Variants in INTS9 observed in about 807,000 individuals in gnomAD.
INTS9 encodes protein related to CPSF subunits of 74 kDa.
In INTS9, 55 loss-of-function variants were observed where a neutral mutation model predicts 79.7. The observed-to-expected ratio is 0.69, with a 90% CI of 0.56 to 0.86. The LOEUF is 0.86. INTS9 is among the 40% of genes least tolerant of loss of function. INTS9 has a pLI of 0.00. For missense variants in INTS9, 721 were observed against 831.5 expected (o/e 0.87, Z 1.64); for synonymous variants, 319 against 325.2 (o/e 0.98, Z 0.20).
At chr8:28,826,372 T>C (rs988487414) in intron 6 of INTS9, among the ~76,000 whole-genome samples, 3 of 152,048 alleles carry the variant, frequency 2.0e-5, no homozygotes, top group East Asian at 3.9e-4. Context: ...AACTGCACCA[T>C]GTTTGGGTAG....
chr8:28,792,656 G>A (rs946474907), intron 10 of INTS9, among the ~76,000 whole-genome samples: 3 of 152,162 alleles, frequency 2.0e-5, no homozygotes, highest in African/African-American at 4.8e-5. Flanking sequence ...GCTCATGCCT[G>A]TAATCCCAGC....
At chr8:28,843,737 T>C (rs1044746136) in intron 4 of INTS9, among the ~76,000 whole-genome samples, 11 of 152,212 alleles carry the variant, frequency 7.2e-5, no homozygotes, top group African/African-American at 2.6e-4. Flanking sequence ...TTTTTCTTTT[T>C]TTTTTTTTAA....
At chr8:28,790,117 G>A (rs1378086691) in intron 10 of INTS9, among the ~76,000 whole-genome samples, 1 of 152,146 alleles carries the variant, frequency 6.6e-6, no homozygotes, top group East Asian at 1.9e-4. Flanking sequence ...CTGAGAACGG[G>A]AAGCACAGAG....
chr8:28,862,989 A>G (rs967351166), intron 1 of INTS9, among the ~76,000 whole-genome samples: 23 of 152,226 alleles, frequency 1.5e-4, no homozygotes, highest in African/African-American at 5.3e-4. Context: ...CTATCCTTGT[A>G]GCAGAGTTGC....
chr8:28,783,684 C>T (rs1040263344), intron 11 of INTS9: 1 of 152,236 alleles, frequency 6.6e-6, no homozygotes, highest in Non-Finnish European at 1.5e-5. Context: ...TGGAGATCTT[C>T]ATCAGCTGTC....
intron 1 of INTS9, among the ~76,000 whole-genome samples, chr8:28,888,862 GT>G (rs1433488288): frequency 6.6e-6 from 1 of 152,080 alleles, no homozygotes; most frequent in African/African-American, 2.4e-5. Flanking sequence ...GTGTTGTGTG[GT>G]TTGGCAAAGC....
intron 6 of INTS9, among the ~76,000 whole-genome samples, chr8:28,833,642 AC>A (rs1286798416): frequency 1.3e-5 from 2 of 148,968 alleles, no homozygotes; most frequent in African/African-American, 5.1e-5. Context: ...AAAAACAAAA[AC>A]AAAAACCAAA....
At chr8:28,781,171 A>G (rs2130896427) in intron 11 of INTS9, among the ~76,000 whole-genome samples, 177 bp from the exon 12 acceptor site, 1 of 152,258 alleles carries the variant, frequency 6.6e-6, no homozygotes, top group African/African-American at 2.4e-5. Flanking sequence ...CCCAGAATCT[A>G]TGAACTCCGA....
At chr8:28,883,691 T>G (rs956510530) in intron 1 of INTS9, among the ~76,000 whole-genome samples, 2 of 152,232 alleles carry the variant, frequency 1.3e-5, no homozygotes, top group African/African-American at 4.8e-5. Flanking sequence ...AATTGGACAG[T>G]AAACCCACTA....
chr8:28,779,890 G>C, intron 12 of INTS9, among the ~76,000 whole-genome samples: 1 of 152,012 alleles, frequency 6.6e-6, no homozygotes. Flanking sequence ...AAGGGAGCTG[G>C]TGACAGTGCT....
chr8:28,845,673 T>A (rs1177285829), intron 4 of INTS9, among the ~76,000 whole-genome samples: 3 of 152,160 alleles, frequency 2.0e-5, no homozygotes, highest in African/African-American at 7.2e-5. Context: ...AGATGGGGAA[T>A]CACCCTACCA....
At chr8:28,881,183 G>T in intron 1 of INTS9, among the ~76,000 whole-genome samples, 1 of 144,260 alleles carries the variant, frequency 6.9e-6, no homozygotes, top group African/African-American at 2.6e-5. Context: ...GGGCGCCTCT[G>T]CCCGGCCGCC....
In INTS9 at chr8:28,889,902, A is replaced by C; in HGVS notation, c.-20T>G. On this transcript the variant is annotated 5_prime_UTR_variant, in exon 1 of 17. The change creates a new upstream start codon in the 5' untranslated region. Coordinates refer to ENST00000521022, the MANE Select transcript of INTS9 (RefSeq NM_018250.4). The stretch of plus-strand genomic sequence containing the variant: ...TTTCATAATGGACTTTTGGTGGTTC[A>C]ATAGCAGTCACTGAACTCCTCAAAC... The C allele has an allele frequency of 2.5e-6, 4 of 1,611,756 alleles. No homozygotes were observed. Among genetic ancestry groups the C allele is most frequent in the Non-Finnish European group, 3.4e-6 (4 of 1,178,192 alleles).
At position 28,799,193 on chromosome 8, in the gene INTS9, G is replaced by C. The variant is rs139338544; in HGVS notation, c.745-2538C>G. ...CACCTGTAATCCCACCTACTCGGGA[G>C]GCTGAAGCAGGAGAATTGTTTGAAC... On this transcript the variant is annotated intron_variant, in intron 8 of 16. Coordinates refer to ENST00000521022, the MANE Select transcript of INTS9 (RefSeq NM_018250.4). 2.7e-3 allele frequency among the ~76,000 whole-genome samples: 409 copies of C among 152,302 alleles called. 4 individuals carry two copies. The highest frequency in any genetic ancestry group is 9.2e-3 in the African/African-American group (383 of 41,550).
chr8:28,779,435 A>G (rs1198698574), intron 12 of INTS9, among the ~76,000 whole-genome samples: 1 of 152,032 alleles, frequency 6.6e-6, no homozygotes, highest in Non-Finnish European at 1.5e-5. Context: ...GAACACCAAC[A>G]CCTTGTCTGA....
intron 6 of INTS9, among the ~76,000 whole-genome samples, chr8:28,816,768 C>G (rs1458068848): frequency 6.8e-6 from 1 of 147,540 alleles, no homozygotes; most frequent in Non-Finnish European, 1.5e-5. Context: ...ACAGTCCCAC[C>G]AACAGTGTAA....
At chr8:28,869,679 C>T (rs1234073617) in intron 1 of INTS9, among the ~76,000 whole-genome samples, 1 of 152,146 alleles carries the variant, frequency 6.6e-6, no homozygotes. Context: ...CACTTTCTTC[C>T]ACTTTGTGTC....
At chr8:28,776,765 C>T (rs1802911933) in intron 13 of INTS9, among the ~76,000 whole-genome samples, 1 of 152,194 alleles carries the variant, frequency 6.6e-6, no homozygotes, top group Non-Finnish European at 1.5e-5. Flanking sequence ...CTGATGGCTT[C>T]TCCCAGGTTT....
At chr8:28,801,788 T>C (rs1048116131) in intron 8 of INTS9, among the ~76,000 whole-genome samples, 9 of 152,098 alleles carry the variant, frequency 5.9e-5, no homozygotes, top group African/African-American at 1.9e-4. Context: ...AATTTTTGTA[T>C]TTTTTGTAGA....
Sources: allele counts gnomAD v4.1 joint callset (sites outside exome capture counted in the v4.1 genomes callset), GRCh38; gene constraint gnomAD v4.1.1; transcripts MANE v1.5; gene names NCBI Gene and HGNC (gene_info 2026-07-23, HGNC 2026-07-21).